GALNTL6: variants seen among roughly 807,000 people sequenced by gnomAD.
GALNTL6 encodes the protein polypeptide N-acetylgalactosaminyltransferase like 6.
A neutral mutation model predicts 73.7 loss-of-function variants in GALNTL6; 46 were observed. That is an observed-to-expected ratio of 0.62 (90% CI 0.49 to 0.80). GALNTL6 has a LOEUF of 0.80. GALNTL6 is among the 30% of genes least tolerant of loss of function. The pLI is 0.00. For missense variants in GALNTL6, 604 were observed against 755.0 expected (o/e 0.80, Z 2.34); for synonymous variants, 259 against 263.7 (o/e 0.98, Z 0.17).
chr4:171,960,262 G>T (rs1016577355), intron 2 of GALNTL6, among the ~76,000 whole-genome samples: 1 of 151,996 alleles, frequency 6.6e-6, no homozygotes, highest in Non-Finnish European at 1.5e-5. Flanking sequence ...GTTAAAATAG[G>T]ACAGCTTTTC....
chr4:172,236,493 G>A lies in GALNTL6; in HGVS notation c.247+6729G>A, dbSNP rs1434657472. Among the ~76,000 whole-genome samples the A allele has an allele frequency of 2.6e-5, 4 of 151,380 alleles. No homozygotes were observed. In the East Asian group the frequency reaches 7.8e-4, roughly 29 times the overall value. Reference sequence around the variant, plus strand: ...GAGAATGGCATGAACCCGGGAGGCAGGGCTTGCAGTGAGCCAAGATGCGCC... The same window carrying A: ...GAGAATGGCATGAACCCGGGAGGCAAGGCTTGCAGTGAGCCAAGATGCGCC... On this transcript the variant is annotated intron_variant, in intron 3 of 12. Transcript: ENST00000506823.
Position 172,809,613 on chromosome 4 carries a change from A to C in GALNTL6, c.739+67A>C. On this transcript the variant is annotated intron_variant, in intron 6 of 12. Transcript: ENST00000506823. The surrounding 1 kb of genome is among the most constrained non-coding windows in gnomAD (Gnocchi z 4.4). ...GGAACTGAGCGGTTTGCTTCTATTTAGTTTGCAATCAGCAAACACTAGAGG... is the reference window on the plus strand; with the variant it reads ...GGAACTGAGCGGTTTGCTTCTATTTCGTTTGCAATCAGCAAACACTAGAGG... 1 of 1,343,230 alleles carries C rather than the reference A, an allele frequency of 7.4e-7. No individual in the cohort carries two copies. The highest frequency in any genetic ancestry group is 1.0e-6 in the Non-Finnish European group (1 of 981,564). The allele number at this position is 1,343,230 out of a possible 1,614,324, so 83.2% of individuals were successfully genotyped here. A position where few individuals can be genotyped will look rare whatever the true frequency, so the allele number is the denominator to read the frequency against.
intron 5 of GALNTL6, among the ~76,000 whole-genome samples, chr4:172,624,099 G>A (rs1739065331): frequency 6.6e-6 from 1 of 151,990 alleles, no homozygotes; most frequent in Non-Finnish European, 1.5e-5. Context: ...ATCCATCTTA[G>A]GAATTTGCAT....
intron 5 of GALNTL6, among the ~76,000 whole-genome samples, chr4:172,732,040 A>G (rs1187078165): frequency 6.6e-6 from 1 of 152,096 alleles, no homozygotes; most frequent in Non-Finnish European, 1.5e-5. Context: ...TTCTGTAAAT[A>G]TCAATTAGTC....
chr4:172,120,460 T>A (rs1460584196), intron 2 of GALNTL6, among the ~76,000 whole-genome samples: 1 of 152,140 alleles, frequency 6.6e-6, no homozygotes, highest in Non-Finnish European at 1.5e-5. Context: ...ATCCCTTTTT[T>A]TTCTCATATA....
chr4:172,065,101 C>T (rs1731319585), intron 2 of GALNTL6, among the ~76,000 whole-genome samples: 2 of 151,998 alleles, frequency 1.3e-5, no homozygotes, highest in Non-Finnish European at 2.9e-5. Flanking sequence ...CCCACTATAT[C>T]AGCAGTCCCC....
chr4:172,227,546 C>CT (rs1202464980), intron 2 of GALNTL6, among the ~76,000 whole-genome samples: 2 of 152,154 alleles, frequency 1.3e-5, no homozygotes, highest in Non-Finnish European at 2.9e-5. Context: ...CAATCTTTAT[C>CT]TTTTCACATT....
At chr4:172,685,692 C>T (rs1732875442) in intron 5 of GALNTL6, among the ~76,000 whole-genome samples, 1 of 152,158 alleles carries the variant, frequency 6.6e-6, no homozygotes, top group Non-Finnish European at 1.5e-5. Context: ...AATACCAGGT[C>T]AGAGTAAATC....
At chr4:172,903,048 T>C (rs539260884) in intron 8 of GALNTL6, among the ~76,000 whole-genome samples, 5 of 152,338 alleles carry the variant, frequency 3.3e-5, no homozygotes, top group African/African-American at 1.2e-4. Flanking sequence ...GCTTTTTCAA[T>C]AGCCTTACCT....
At chr4:173,015,203 T>A (rs1752729108) in intron 11 of GALNTL6, among the ~76,000 whole-genome samples, 1 of 152,210 alleles carries the variant, frequency 6.6e-6, no homozygotes, top group Non-Finnish European at 1.5e-5. Context: ...ATTTACTCAG[T>A]CTCAGGTATG....
chr4:172,719,623 G>A (rs768799640), intron 5 of GALNTL6, among the ~76,000 whole-genome samples: 4 of 152,050 alleles, frequency 2.6e-5, no homozygotes, highest in South Asian at 2.1e-4. Context: ...TAATGAGAGC[G>A]TTTGCCAAAT....
intron 8 of GALNTL6, among the ~76,000 whole-genome samples, chr4:172,890,825 A>G (rs1440212176): frequency 6.6e-6 from 1 of 152,116 alleles, no homozygotes; most frequent in East Asian, 1.9e-4. Context: ...TGGCTGTCTG[A>G]GTCTTTTCAT....
chr4:172,029,106 G>A (rs1446134750), intron 2 of GALNTL6, among the ~76,000 whole-genome samples: 2 of 151,856 alleles, frequency 1.3e-5, no homozygotes, highest in African/African-American at 2.4e-5. Flanking sequence ...TATATGCAAA[G>A]ATGGGAAGAA....
intron 2 of GALNTL6, among the ~76,000 whole-genome samples, chr4:172,108,841 A>C (rs1036934069): frequency 1.3e-5 from 2 of 151,776 alleles, no homozygotes; most frequent in Non-Finnish European, 2.9e-5. Flanking sequence ...GTGAAACCCC[A>C]TCTCTACTAA....
chr4:172,954,948 A>T (rs938120883), intron 10 of GALNTL6, among the ~76,000 whole-genome samples: 2 of 152,180 alleles, frequency 1.3e-5, no homozygotes, highest in Admixed American at 1.3e-4. Context: ...AAGAATGAAG[A>T]CATAGAGGAT....
At chr4:172,183,295 C>T (rs920080263) in intron 2 of GALNTL6, among the ~76,000 whole-genome samples, 1 of 152,148 alleles carries the variant, frequency 6.6e-6, no homozygotes, top group Non-Finnish European at 1.5e-5. Context: ...TCCATTATAT[C>T]TCCATCTTTT....
At chr4:172,412,015 T>G (rs1744460378) in intron 5 of GALNTL6, among the ~76,000 whole-genome samples, 1 of 151,662 alleles carries the variant, frequency 6.6e-6, no homozygotes, top group Admixed American at 6.6e-5. Context: ...GAAATATATT[T>G]TATTTATTTA....
chr4:171,937,914 G>A (rs894359934), intron 2 of GALNTL6, among the ~76,000 whole-genome samples: 1 of 152,136 alleles, frequency 6.6e-6, no homozygotes, highest in African/African-American at 2.4e-5. Context: ...CAATCTGTCC[G>A]TGAATCTGTA....
chr4:171,976,667 A>T (rs1216392733), intron 2 of GALNTL6, among the ~76,000 whole-genome samples: 1 of 152,224 alleles, frequency 6.6e-6, no homozygotes, highest in Non-Finnish European at 1.5e-5. Flanking sequence ...TGCATTCTCA[A>T]GATTTTTGGG....
Sources: gnomAD v4.1 joint callset for allele counts (sites outside exome capture counted in the v4.1 genomes callset) on GRCh38, gnomAD v4.1.1 for gene constraint, Gnocchi (gnomAD v3.1) non-coding constraint, MANE v1.5 for transcripts, NCBI Gene and HGNC (gene_info 2026-07-23, HGNC 2026-07-21) for gene names.